The following SDK1 variants were observed in gnomAD, a reference collection of about 807,000 sequenced individuals.
The protein encoded by SDK1 is protein sidekick-1.
In SDK1, 157 loss-of-function variants were observed where a neutral mutation model predicts 245.5. The observed-to-expected ratio is 0.64, with a 90% CI of 0.56 to 0.73. The LOEUF (loss-of-function observed/expected upper bound fraction) is 0.73. Ranked by LOEUF, SDK1 falls within the 30% of genes least tolerant of loss-of-function variation. The pLI is 0.00. For synonymous variants in SDK1, 1,647 were observed against 1,278.5 expected (o/e 1.29, Z -6.15); for missense variants, 3,583 against 3,002.3 (o/e 1.19, Z -4.52).
chr7:3,431,506 T>C (rs1314911662), intron 1 of SDK1, among the ~76,000 whole-genome samples: 2 of 152,160 alleles, frequency 1.3e-5, no homozygotes, highest in Non-Finnish European at 2.9e-5. Context: ...TCACATTCTT[T>C]GCTGCTTCAT....
chr7:3,695,519 C>G (rs914984303), intron 4 of SDK1, among the ~76,000 whole-genome samples: 1 of 152,136 alleles, frequency 6.6e-6, no homozygotes, highest in Non-Finnish European at 1.5e-5. Flanking sequence ...CAGATTATAT[C>G]ATAGGTGTTT....
At chr7:4,039,332 A>T (rs1788441162) in intron 17 of SDK1, among the ~76,000 whole-genome samples, 1 of 152,180 alleles carries the variant, frequency 6.6e-6, no homozygotes, top group South Asian at 2.1e-4. Context: ...TATGATGGGA[A>T]AATATCTCTC....
chr7:3,679,769 G>A (rs971549519), intron 4 of SDK1, among the ~76,000 whole-genome samples: 2 of 152,200 alleles, frequency 1.3e-5, no homozygotes, highest in African/African-American at 4.8e-5. Flanking sequence ...ACGTCGAGAT[G>A]TAAAGAAATG....
chr7:4,045,984 A>G (rs1363668628), intron 17 of SDK1, among the ~76,000 whole-genome samples: 2 of 151,748 alleles, frequency 1.3e-5, no homozygotes, highest in Non-Finnish European at 2.9e-5. Context: ...TTAAGAGACA[A>G]AGTCTTACTT....
At chr7:4,096,450 G>A (rs912827555) in intron 22 of SDK1, among the ~76,000 whole-genome samples, 1 of 152,196 alleles carries the variant, frequency 6.6e-6, no homozygotes, top group African/African-American at 2.4e-5. Flanking sequence ...CTGGTTGGCA[G>A]AGGATGGAGA....
chr7:3,756,169 T>C, intron 4 of SDK1, among the ~76,000 whole-genome samples: 1 of 150,736 alleles, frequency 6.6e-6, no homozygotes, highest in East Asian at 2.0e-4. Flanking sequence ...ATGCATATCA[T>C]TGATGTTTTG....
intron 14 of SDK1, among the ~76,000 whole-genome samples, chr7:4,004,382 AT>A (rs1311880192): frequency 2.0e-5 from 3 of 152,204 alleles, no homozygotes; most frequent in Non-Finnish European, 2.9e-5. Flanking sequence ...TTTGCACCTA[AT>A]TTTTCCACTT....
chr7:4,073,967 G>T (rs1019309114), intron 20 of SDK1, among the ~76,000 whole-genome samples: 12 of 151,400 alleles, frequency 7.9e-5, no homozygotes, highest in African/African-American at 2.9e-4. Context: ...ACTATGGGGT[G>T]GGGCGGGGGA....
intron 1 of SDK1, among the ~76,000 whole-genome samples, chr7:3,493,328 C>T (rs1376833038): frequency 6.6e-6 from 1 of 152,196 alleles, no homozygotes; most frequent in African/African-American, 2.4e-5. Context: ...CAGGACATTT[C>T]TTCACAGCTA....
chr7:3,432,506 AAT>A, intron 1 of SDK1, among the ~76,000 whole-genome samples: 1 of 152,334 alleles, frequency 6.6e-6, no homozygotes, highest in Admixed American at 6.5e-5. Context: ...AGTAGGAAGA[AAT>A]AGTAGTTTGT....
intron 22 of SDK1, among the ~76,000 whole-genome samples, chr7:4,094,668 G>C (rs555344560): frequency 2.0e-5 from 3 of 152,172 alleles, no homozygotes; most frequent in Non-Finnish European, 2.9e-5. Flanking sequence ...TTATCAAACC[G>C]GACTTGTGGA....
At chr7:3,618,475 T>G (rs1391696520) in intron 1 of SDK1, among the ~76,000 whole-genome samples, 5 of 152,246 alleles carry the variant, frequency 3.3e-5, no homozygotes, top group African/African-American at 1.2e-4. Context: ...GATTTACCTG[T>G]GTTGCTATGT....
intron 4 of SDK1, among the ~76,000 whole-genome samples, chr7:3,691,909 C>G (rs954917954): frequency 6.6e-6 from 1 of 152,070 alleles, no homozygotes; most frequent in African/African-American, 2.4e-5. Context: ...TTATCTGAGC[C>G]TTTTATCCTG....
intron 35 of SDK1, among the ~76,000 whole-genome samples, chr7:4,181,473 C>G (rs760604989): frequency 7.2e-5 from 11 of 152,196 alleles, no homozygotes; most frequent in Non-Finnish European, 1.6e-4. Flanking sequence ...GTTGCAGAGG[C>G]TACAGGTGAG....
chr7:3,481,417 G>A (rs564863518), intron 1 of SDK1, among the ~76,000 whole-genome samples: 4 of 152,300 alleles, frequency 2.6e-5, no homozygotes, highest in South Asian at 4.1e-4. Context: ...AGGATGTGCC[G>A]ATGTCTTCGA....
intron 16 of SDK1, among the ~76,000 whole-genome samples, chr7:4,015,894 A>G (rs539947897): frequency 6.6e-6 from 1 of 152,320 alleles, no homozygotes; most frequent in African/African-American, 2.4e-5. Context: ...CGGCGGCAAG[A>G]GGGAACGGGA....
chr7:4,133,945 C>T lies in SDK1; in HGVS notation c.4228+1522C>T, dbSNP rs150018087. Among the ~76,000 whole-genome samples the T allele has an allele frequency of 6.1e-4, 93 of 152,296 alleles. 2 individuals carry two copies. Among genetic ancestry groups the T allele is most frequent in the Non-Finnish European group, 1.2e-3 (82 of 68,034 alleles). The stretch of plus-strand genomic sequence containing the variant: ...TGCATTTGATCTTAGGATTCTAAGA[C>T]TTGGTTTGAAGAAAGAGTTTCACAT... On this transcript the variant is annotated intron_variant, in intron 28 of 44. Transcript: ENST00000404826.
chr7:3,612,257 C>G (rs1484990516), intron 1 of SDK1, among the ~76,000 whole-genome samples: 2 of 152,152 alleles, frequency 1.3e-5, no homozygotes, highest in African/African-American at 4.8e-5. Context: ...AATTAAAAAT[C>G]CTATCATAGG....
intron 1 of SDK1, among the ~76,000 whole-genome samples, chr7:3,428,709 C>G (rs777729818): frequency 6.6e-6 from 1 of 152,160 alleles, no homozygotes; most frequent in African/African-American, 2.4e-5. Context: ...TAAAGAGCTA[C>G]TCAAAGCTAG....
Sources: allele counts gnomAD v4.1 joint callset (sites outside exome capture counted in the v4.1 genomes callset), GRCh38; gene constraint gnomAD v4.1.1; transcripts MANE v1.5; gene names NCBI Gene and HGNC (gene_info 2026-07-23, HGNC 2026-07-21).